DRC11L: variants seen among roughly 807,000 people sequenced by gnomAD.
DRC11L encodes the protein dynein regulatory complex subunit 11 like, also known as dynein regulatory complex subunit like-11.
At chr7:151,192,566 G>T in the DRC11L span, 1 of 398,396 alleles carries the variant, frequency 2.5e-6, no homozygotes. Context: ...AGCCCTAGCG[G>T]GATGAGGAGG....
the DRC11L span, chr7:151,191,160 T>A: frequency 2.5e-6 from 1 of 399,856 alleles, no homozygotes; most frequent in Non-Finnish European, 4.4e-6. Context: ...TTTTACAGAT[T>A]GTTTCCTCAG....
the DRC11L span, chr7:151,204,827 C>T: frequency 2.5e-6 from 1 of 399,070 alleles, no homozygotes; most frequent in East Asian, 3.6e-5. Context: ...CCCAGAGGCG[C>T]TGGTAAGCTC....
the DRC11L span, chr7:151,196,590 G>C: frequency 3.9e-4 from 155 of 399,638 alleles, no homozygotes; most frequent in African/African-American, 2.9e-3. Flanking sequence ...GTGAAGGTCA[G>C]AGTGCCGGGT....
the DRC11L span, among the ~76,000 whole-genome samples, chr7:151,200,699 C>T: frequency 6.6e-6 from 1 of 152,132 alleles, no homozygotes; most frequent in Non-Finnish European, 1.5e-5. Context: ...CTTCCCCTCG[C>T]CACCCTGATT....
chr7:151,193,163 G>A, the DRC11L span: 1 of 398,012 alleles, frequency 2.5e-6, no homozygotes, highest in Admixed American at 4.4e-5. Context: ...CGGTTGGTAG[G>A]GAGACCTCAC....
At chr7:151,201,616 T>G in the DRC11L span, among the ~76,000 whole-genome samples, 11 of 152,254 alleles carry the variant, frequency 7.2e-5, no homozygotes, top group Non-Finnish European at 1.3e-4. This position sits in a 1 kb window ranked among gnomAD's most constrained non-coding sequence, Gnocchi z 4.1. Context: ...GGTTGCCTGC[T>G]TTTGTCTTTT....
the DRC11L span, chr7:151,194,615 C>G: frequency 1.5e-5 from 6 of 399,262 alleles, no homozygotes; most frequent in Non-Finnish European, 2.7e-5. Context: ...GAGGATGGCA[C>G]AGGAAGACCC....
the DRC11L span, chr7:151,203,124 G>C: frequency 5.0e-6 from 2 of 398,990 alleles, no homozygotes; most frequent in Admixed American, 8.8e-5. Context: ...AAAAGAGCAG[G>C]AGCACATGAG....
the DRC11L span, among the ~76,000 whole-genome samples, chr7:151,201,206 G>A: frequency 0.027 from 4,130 of 152,344 alleles, 75 homozygotes; most frequent in African/African-American, 0.053. The surrounding 1 kb of genome is among the most constrained non-coding windows in gnomAD (Gnocchi z 4.1). Flanking sequence ...AGCAGGGACC[G>A]GTTCCTGCCC....
the DRC11L span, chr7:151,196,993 C>T: frequency 1.0e-5 from 4 of 399,316 alleles, no homozygotes; most frequent in Non-Finnish European, 1.8e-5. Context: ...ATTCTTCATG[C>T]CCGGCACAGA....
the DRC11L span, among the ~76,000 whole-genome samples, chr7:151,198,257 G>T: frequency 3.3e-5 from 5 of 151,822 alleles, no homozygotes; most frequent in Admixed American, 1.3e-4. Context: ...TGGGTAGAAG[G>T]GTGGGTGGGC....
the DRC11L span, chr7:151,191,959 G>A: frequency 2.5e-6 from 1 of 398,614 alleles, no homozygotes; most frequent in Non-Finnish European, 4.4e-6. Flanking sequence ...CCCCCGCCTG[G>A]ATCTGGAAGG....
chr7:151,205,111 G>C, the DRC11L span, among the ~76,000 whole-genome samples: 6 of 152,170 alleles, frequency 3.9e-5, no homozygotes, highest in Non-Finnish European at 8.8e-5. Context: ...GCCCAGGCTT[G>C]GGGCTCTGGT....
chr7:151,196,413 T>G, the DRC11L span: 1 of 399,024 alleles, frequency 2.5e-6, no homozygotes. Flanking sequence ...TACAGGGTGG[T>G]GGCCTGCAGG....
At chr7:151,203,602 C>A in the DRC11L span, 2 of 397,010 alleles carry the variant, frequency 5.0e-6, no homozygotes, top group South Asian at 1.4e-4. Context: ...GGCTTACACA[C>A]CCCCAGCACT....
At chr7:151,200,367 G>A in the DRC11L span, 1 of 399,130 alleles carries the variant, frequency 2.5e-6, no homozygotes, top group Non-Finnish European at 4.4e-6. Flanking sequence ...CACCATGGTG[G>A]GCAGGTTGAG....
chr7:151,198,327 T>C, the DRC11L span, among the ~76,000 whole-genome samples: 2 of 151,576 alleles, frequency 1.3e-5, no homozygotes, highest in East Asian at 1.9e-4. Context: ...GGTAGGTGGA[T>C]GGGCAGATGG....
chr7:151,197,965 G>T, the DRC11L span: 3 of 395,810 alleles, frequency 7.6e-6, no homozygotes, highest in East Asian at 1.1e-4. Context: ...CAAATGGATG[G>T]ATGGATAGGT....
chr7:151,195,846 G>A, the DRC11L span: 2 of 385,390 alleles, frequency 5.2e-6, no homozygotes, highest in Admixed American at 4.5e-5. Context: ...CTCCCTCCTG[G>A]CACCTGTTCA....
Sources: gnomAD v4.1 joint callset for allele counts (sites outside exome capture counted in the v4.1 genomes callset) on GRCh38, gnomAD v4.1.1 for gene constraint, Gnocchi (gnomAD v3.1) non-coding constraint, MANE v1.5 for transcripts, NCBI Gene and HGNC (gene_info 2026-07-23, HGNC 2026-07-21) for gene names.